Variants in FRMD6 observed in about 807,000 individuals in gnomAD.
FRMD6 encodes the protein FERM domain-containing protein 6.
A neutral mutation model predicts 73.2 loss-of-function variants in FRMD6; 37 were observed. That is an observed-to-expected ratio of 0.51 (90% CI 0.39 to 0.66). The LOEUF is 0.66. Among genes scored for constraint, FRMD6 ranks in the 30% least tolerant of loss-of-function variants. The probability of loss-of-function intolerance (pLI) is 0.00; values close to 1 mark genes in which losing one functional copy is unlikely to be tolerated. For missense variants in FRMD6, 714 were observed against 780.5 expected (o/e 0.91, Z 1.02); for synonymous variants, 273 against 282.2 (o/e 0.97, Z 0.33).
At chr14:51,704,956 CGAAA>C in intron 6 of FRMD6, 21 bp downstream of exon 6, 1 of 1,583,430 alleles carries the variant, frequency 6.3e-7, no homozygotes, top group Non-Finnish European at 8.6e-7. Context: ...TTTTCAAATT[CGAAA>C]GAGTGTTTTC....
At chr14:51,529,185 A>G (rs1885438616) in intron 1 of FRMD6, among the ~76,000 whole-genome samples, 1 of 152,246 alleles carries the variant, frequency 6.6e-6, no homozygotes, top group Non-Finnish European at 1.5e-5. Flanking sequence ...ATAGTGTCTG[A>G]AAGCATATAT....
the FRMD6 span, among the ~76,000 whole-genome samples, chr14:51,466,003 C>A: frequency 6.6e-6 from 1 of 152,232 alleles, no homozygotes; most frequent in East Asian, 1.9e-4. Context: ...ATTCTAATGG[C>A]TGTATAAAAT....
chr14:51,545,427 A>G lies in FRMD6; in HGVS notation c.-209-24921A>G, dbSNP rs531814551. Among the ~76,000 whole-genome samples, 23 of 152,214 alleles carry G rather than the reference A, an allele frequency of 1.5e-4. 1 individual carries two copies. In the South Asian group the frequency reaches 4.8e-3, roughly 32 times the overall value. On this transcript the variant is annotated intron_variant, in intron 1 of 14. Coordinates refer to the FRMD6 transcript ENST00000356218. The stretch of plus-strand genomic sequence containing the variant: ...TCTGTCTTCCGATTTAGTTTCCTGC[A>G]GTGGTGGACTGGAGTCTATTTTACC...
chr14:51,578,875 G>C (rs1033945463), intron 2 of FRMD6: 7 of 152,200 alleles, frequency 4.6e-5, no homozygotes, highest in African/African-American at 1.4e-4. Context: ...TACGAGTTTG[G>C]GTGGAAGAAG....
chr14:51,637,790 C>T (rs1891639754), intron 2 of FRMD6: 1 of 152,128 alleles, frequency 6.6e-6, no homozygotes, highest in Non-Finnish European at 1.5e-5. Context: ...ATTAAATTCA[C>T]AAAACAAGTT....
chr14:51,599,056 G>A (rs1889876002), intron 2 of FRMD6, among the ~76,000 whole-genome samples: 1 of 69,564 alleles, frequency 1.4e-5, no homozygotes, highest in African/African-American at 6.8e-5. Context: ...GCCAGTATCT[G>A]TCTTTTTTTT....
intron 1 of FRMD6, among the ~76,000 whole-genome samples, chr14:51,678,929 T>C (rs914435455): frequency 7.2e-5 from 11 of 152,154 alleles, no homozygotes; most frequent in African/African-American, 2.7e-4. Flanking sequence ...AAGCAAGACT[T>C]GTTCAGGGAT....
At chr14:51,651,772 C>A (rs1448981672), upstream of FRMD6, 1 of 142,896 alleles carries the variant, frequency 7.0e-6, no homozygotes, top group Non-Finnish European at 1.5e-5. Context: ...GCTCGGCTGC[C>A]GCCGCGGCCA....
rs143018531 is a variant in FRMD6 at position 51,495,723 on chromosome 14, G to A, written c.-210+6303G>A. 5.3e-5 allele frequency among the ~76,000 whole-genome samples: 8 copies of A among 152,330 alleles called. No homozygotes were observed. In the East Asian group the frequency reaches 5.8e-4, roughly 11 times the overall value. On this transcript the variant is annotated intron_variant, in intron 1 of 14. Coordinates refer to the FRMD6 transcript ENST00000356218. ...ATTCCTCCAGTGAGGGTAAGAAGAC[G>A]TTAAATGCCATGTTCCGTGGCCTAA...
At chr14:51,499,085 C>A (rs972318067) in intron 1 of FRMD6, among the ~76,000 whole-genome samples, 4 of 152,180 alleles carry the variant, frequency 2.6e-5, no homozygotes, top group Non-Finnish European at 5.9e-5. Flanking sequence ...CTTGGAATTC[C>A]ACTGCAGTTT....
chr14:51,397,897 A>G, the FRMD6 span, among the ~76,000 whole-genome samples: 5 of 152,224 alleles, frequency 3.3e-5, no homozygotes, highest in East Asian at 3.8e-4. Context: ...CATCCCTGAT[A>G]TATCTCAAGG....
At position 51,594,186 on chromosome 14, in the gene FRMD6, G is replaced by A. The variant is rs546051633; in HGVS notation, c.-147+23776G>A. Among the ~76,000 whole-genome samples the A allele has an allele frequency of 3.2e-4, 48 of 152,184 alleles. No homozygotes were observed. The South Asian group carries it at 5.8e-3, about 18-fold the overall frequency. ...GTCACCCTGACTGGAGTGCAGTGGC[G>A]CGATCTCGGCTCACTGTAAACTCCA... On this transcript the variant is annotated intron_variant, in intron 2 of 14. Transcript: ENST00000356218.
Position 51,728,203 on chromosome 14 carries a change from T to C in FRMD6, c.*174T>C. On this transcript the variant is annotated 3_prime_UTR_variant, in exon 14 of 14. Transcript: ENST00000344768. ...CTTGGAACAATTGCACTTTAAGTATTACACAGAAGTAAAAGAACTACAGAA... is the reference window on the plus strand; with the variant it reads ...CTTGGAACAATTGCACTTTAAGTATCACACAGAAGTAAAAGAACTACAGAA... 1 of 616,726 alleles carries C rather than the reference T, an allele frequency of 1.6e-6. No individual in the cohort carries two copies. Among genetic ancestry groups the C allele is most frequent in the South Asian group, 2.4e-5 (1 of 42,398 alleles). The allele number at this position is 616,726 out of a possible 1,614,324, so 38.2% of individuals were successfully genotyped here. A position where few individuals can be genotyped will look rare whatever the true frequency, so the allele number is the denominator to read the frequency against.
At chr14:51,506,691 C>A (rs1372163163) in intron 1 of FRMD6, among the ~76,000 whole-genome samples, 1 of 152,162 alleles carries the variant, frequency 6.6e-6, no homozygotes, top group Non-Finnish European at 1.5e-5. Flanking sequence ...AAGAATTCCC[C>A]TTAAGGGAAT....
chr14:51,415,807 A>G, the FRMD6 span, among the ~76,000 whole-genome samples: 3 of 152,118 alleles, frequency 2.0e-5, no homozygotes, highest in Non-Finnish European at 4.4e-5. Context: ...TTGGTAGGCT[A>G]TTAATTATTG....
At chr14:51,697,080 A>G (rs1895997273) in intron 2 of FRMD6, among the ~76,000 whole-genome samples, 1 of 152,194 alleles carries the variant, frequency 6.6e-6, no homozygotes, top group African/African-American at 2.4e-5. Context: ...GTAAATTAGT[A>G]CAGACATTAT....
chr14:51,698,345 A>T, intron 3 of FRMD6, 113 bp downstream of exon 3: 1 of 551,482 alleles, frequency 1.8e-6, no homozygotes, highest in Non-Finnish European at 3.1e-6. Context: ...TTGTCAAAAT[A>T]CCCATGGACT....
chr14:51,655,239 A>G (rs1460761222), intron 1 of FRMD6, among the ~76,000 whole-genome samples: 1 of 152,216 alleles, frequency 6.6e-6, no homozygotes, highest in Non-Finnish European at 1.5e-5. Context: ...TCCCAGTACT[A>G]GAGTTATAAA....
At chr14:51,572,426 T>C (rs182814342) in intron 2 of FRMD6, among the ~76,000 whole-genome samples, 3 of 152,328 alleles carry the variant, frequency 2.0e-5, no homozygotes, top group Non-Finnish European at 4.4e-5. Flanking sequence ...GATTAGAAAA[T>C]CTCATTTTAG....
Sources: allele counts gnomAD v4.1 joint callset (sites outside exome capture counted in the v4.1 genomes callset), GRCh38; gene constraint gnomAD v4.1.1; transcripts MANE v1.5; gene names NCBI Gene and HGNC (gene_info 2026-07-23, HGNC 2026-07-21).